The following SDC2 variants were observed in gnomAD, a reference collection of about 807,000 sequenced individuals.
The protein encoded by SDC2 is syndecan-2.
In SDC2, 13 loss-of-function variants were observed where a neutral mutation model predicts 22.2. That is an observed-to-expected ratio of 0.59 (90% CI 0.38 to 0.93). SDC2 has a LOEUF of 0.93. Among genes scored for constraint, SDC2 ranks in the 40% least tolerant of loss-of-function variants. The pLI, the probability that SDC2 is intolerant of heterozygous loss-of-function variation, is 0.00. For missense variants in SDC2, 235 were observed against 246.8 expected, an observed-to-expected ratio of 0.95 and a Z score of 0.32; for synonymous variants, 94 against 92.8, an observed-to-expected ratio of 1.01 and a Z score of -0.07.
chr8:96,583,365 A>T (rs1028146078), intron 1 of SDC2, among the ~76,000 whole-genome samples: 1 of 139,150 alleles, frequency 7.2e-6, no homozygotes, highest in Non-Finnish European at 1.5e-5. Context: ...TATATATTAT[A>T]TATCATATAT....
chr8:96,510,769 C>G (rs1210623512), intron 1 of SDC2, among the ~76,000 whole-genome samples: 2 of 152,116 alleles, frequency 1.3e-5, no homozygotes, highest in African/African-American at 4.8e-5. Context: ...GAGTAAAATT[C>G]AACATCAGTT....
At chr8:96,506,420 T>C (rs1011368010) in intron 1 of SDC2, among the ~76,000 whole-genome samples, 9 of 151,992 alleles carry the variant, frequency 5.9e-5, no homozygotes, top group Non-Finnish European at 1.3e-4. Context: ...AGTATACATT[T>C]ATAATATATA....
chr8:96,569,277 G>A lies in SDC2; in HGVS notation c.61-24203G>A, dbSNP rs7008225. Among the ~76,000 whole-genome samples the A allele has an allele frequency of 3.5e-3, 536 of 152,262 alleles. 2 individuals are homozygous for A. The highest frequency in any genetic ancestry group is 0.012 in the African/African-American group (500 of 41,556). On this transcript the variant is annotated intron_variant, in intron 1 of 4. Coordinates refer to ENST00000302190, the MANE Select transcript of SDC2 (RefSeq NM_002998.4). ...TTCCACCTTGGCCTTCCAAAGTGTT[G>A]GGATTACAGGCATGAGCCACCACTC...
intron 2 of SDC2, among the ~76,000 whole-genome samples, chr8:96,598,812 T>C (rs1431536511): frequency 1.3e-5 from 2 of 151,858 alleles, no homozygotes; most frequent in Non-Finnish European, 2.9e-5. Flanking sequence ...GGGAGAACAG[T>C]AGGACCTGAA....
At chr8:96,579,598 A>G (rs1814558171) in intron 1 of SDC2, among the ~76,000 whole-genome samples, 1 of 152,242 alleles carries the variant, frequency 6.6e-6, no homozygotes, top group Admixed American at 6.5e-5. Context: ...AGAAAATAGT[A>G]TATTATCTTG....
chr8:96,504,351 A>T (rs540642339), intron 1 of SDC2, among the ~76,000 whole-genome samples: 2 of 152,316 alleles, frequency 1.3e-5, no homozygotes, highest in South Asian at 4.1e-4. Context: ...ATTCATATGG[A>T]GTTGTTCTAG....
intron 1 of SDC2, among the ~76,000 whole-genome samples, chr8:96,540,340 G>GTGTATATATATATATATA (rs4058341): frequency 0.16 from 19,733 of 123,140 alleles, 1,862 homozygotes; most frequent in Non-Finnish European, 0.21. Flanking sequence ...ATATATATGT[G>GTGTATATATATATATATA]TATATATATA....
rs918241340 is a variant in SDC2, at chr8:96,609,636, G to C, written c.*88G>C. The C allele has an allele frequency of 1.0e-6, 1 of 965,854 alleles. No homozygotes were observed. The highest frequency in any genetic ancestry group is 1.7e-5 in the African/African-American group (1 of 58,940). 59.8% of individuals were successfully genotyped at this position (965,854 alleles called of 1,614,324 possible). ...AGAATAATGAAGATCTTTGTTTTTTGTTTTCATTAAAGAGCCATTCTGGCA... is the reference window on the plus strand; with the variant it reads ...AGAATAATGAAGATCTTTGTTTTTTCTTTTCATTAAAGAGCCATTCTGGCA... On this transcript the variant is annotated 3_prime_UTR_variant, in exon 5 of 5. Coordinates refer to ENST00000302190, the MANE Select transcript of SDC2 (RefSeq NM_002998.4).
chr8:96,540,355 T>TATATATATATATAA (rs1273342675), intron 1 of SDC2, among the ~76,000 whole-genome samples: 40 of 147,188 alleles, frequency 2.7e-4, no homozygotes, highest in Non-Finnish European at 4.9e-4. Flanking sequence ...TATATATATA[T>TATATATATATATAA]AAAAATTAGT....
intron 1 of SDC2, among the ~76,000 whole-genome samples, chr8:96,581,655 A>G (rs1340100496): frequency 6.6e-6 from 1 of 151,048 alleles, no homozygotes; most frequent in East Asian, 1.9e-4. Flanking sequence ...AAGGTAAAAG[A>G]GTACTATATG....
intron 1 of SDC2, among the ~76,000 whole-genome samples, chr8:96,561,030 G>A (rs1180742853): frequency 3.3e-5 from 5 of 152,212 alleles, no homozygotes; most frequent in African/African-American, 1.2e-4. Flanking sequence ...CTTGAACCCA[G>A]GAGGCGGAGG....
chr8:96,598,525 G>C (rs753502338), intron 2 of SDC2, among the ~76,000 whole-genome samples: 17 of 152,102 alleles, frequency 1.1e-4, no homozygotes, highest in Non-Finnish European at 2.4e-4. Flanking sequence ...GGCTGAGTCA[G>C]GAGAATCGCT....
intron 1 of SDC2, among the ~76,000 whole-genome samples, chr8:96,511,245 A>G (rs1813322882): frequency 6.6e-6 from 1 of 152,096 alleles, no homozygotes; most frequent in Admixed American, 6.6e-5. Context: ...GGGTGTCAGT[A>G]TTTTTGTTTC....
intron 1 of SDC2, among the ~76,000 whole-genome samples, chr8:96,558,646 A>T (rs1814159065): frequency 6.6e-6 from 1 of 152,258 alleles, no homozygotes; most frequent in African/African-American, 2.4e-5. Context: ...AATTCTTTCC[A>T]TTGTAATCCC....
intron 1 of SDC2, among the ~76,000 whole-genome samples, chr8:96,549,792 A>G (rs1485570474): frequency 1.3e-5 from 2 of 152,226 alleles, no homozygotes; most frequent in African/African-American, 4.8e-5. Context: ...TTTTTAGTTG[A>G]ATAAACATGT....
chr8:96,592,719 G>A (rs369228793), intron 1 of SDC2, among the ~76,000 whole-genome samples: 10 of 152,184 alleles, frequency 6.6e-5, no homozygotes, highest in Non-Finnish European at 1.5e-4. Flanking sequence ...CATATTAAGC[G>A]TGTGATTTGC....
rs570153637 is a variant in SDC2 at position 96,591,104 on chromosome 8, A to G, written c.61-2376A>G. On this transcript the variant is annotated intron_variant, in intron 1 of 4. Coordinates refer to ENST00000302190, the MANE Select transcript of SDC2 (RefSeq NM_002998.4). ...GCCCATCTGCCTGGTAGCATGACAG[A>G]TGTGTTAGTCCAGACAACTGGGTCA... is the stretch of plus-strand genomic sequence containing the variant. Among the ~76,000 whole-genome samples the G allele has an allele frequency of 3.9e-5, 6 of 152,312 alleles. No homozygotes were observed. In the East Asian group the frequency reaches 1.2e-3, roughly 29 times the overall value.
At chr8:96,546,838 T>G (rs1206293376) in intron 1 of SDC2, among the ~76,000 whole-genome samples, 1 of 152,236 alleles carries the variant, frequency 6.6e-6, no homozygotes, top group East Asian at 1.9e-4. Context: ...CTAACCATGC[T>G]TCAGTCTCTG....
chr8:96,554,066 C>T (rs1814070058), intron 1 of SDC2, among the ~76,000 whole-genome samples: 1 of 152,126 alleles, frequency 6.6e-6, no homozygotes, highest in South Asian at 2.1e-4. Flanking sequence ...GTTGGGGTTA[C>T]AGGTGTGAGC....
Sources: gnomAD v4.1 joint callset for allele counts (sites outside exome capture counted in the v4.1 genomes callset) on GRCh38, gnomAD v4.1.1 for gene constraint, MANE v1.5 for transcripts, NCBI Gene and HGNC (gene_info 2026-07-23, HGNC 2026-07-21) for gene names.